The following CTIF variants were observed in gnomAD, a reference collection of about 807,000 sequenced individuals.
The protein encoded by CTIF is cap binding complex dependent translation initiation factor, also known as CBP80/20-dependent translation initiation factor.
CTIF carries 21 observed loss-of-function variants against 66.0 expected under a neutral mutation model. The ratio of observed to expected loss-of-function variants is 0.32; its 90% CI spans 0.23 to 0.46. The LOEUF (loss-of-function observed/expected upper bound fraction) is 0.46, where lower values mean the gene tolerates loss of function less well. CTIF is among the 20% of genes least tolerant of loss of function. The pLI is 1.00. For synonymous variants in CTIF, 345 were observed against 326.4 expected (o/e 1.06, Z -0.62); for missense variants, 739 against 812.7 (o/e 0.91, Z 1.10).
chr18:48,787,215 C>A (rs763631056), intron 9 of CTIF, among the ~76,000 whole-genome samples: 2 of 151,632 alleles, frequency 1.3e-5, no homozygotes, highest in Non-Finnish European at 2.9e-5. Flanking sequence ...AGGGATAGGG[C>A]AAAGGAGGGG....
chr18:48,849,500 C>A (rs2069150918), intron 10 of CTIF, among the ~76,000 whole-genome samples: 2 of 151,450 alleles, frequency 1.3e-5, no homozygotes, highest in Admixed American at 1.3e-4. Flanking sequence ...GCTCAGCCTG[C>A]CATTTTTTTA....
chr18:48,697,754 G>A (rs138936165), intron 6 of CTIF, among the ~76,000 whole-genome samples: 1 of 152,304 alleles, frequency 6.6e-6, no homozygotes, highest in East Asian at 1.9e-4. Context: ...ATTTGCTGAA[G>A]CTTTTCCTCT....
At chr18:48,744,985 G>A (rs1438867477) in intron 7 of CTIF, among the ~76,000 whole-genome samples, 1 of 152,050 alleles carries the variant, frequency 6.6e-6, no homozygotes, top group Non-Finnish European at 1.5e-5. Context: ...ACCACACCCG[G>A]CTAATTTTTT....
At chr18:48,820,566 C>A (rs764631993) in intron 10 of CTIF, among the ~76,000 whole-genome samples, 32 of 152,108 alleles carry the variant, frequency 2.1e-4, no homozygotes, top group Non-Finnish European at 4.3e-4. Flanking sequence ...CAGGACCCTC[C>A]AAAAGGATGT....
intron 9 of CTIF, among the ~76,000 whole-genome samples, chr18:48,781,297 G>A (rs908255294): frequency 1.3e-5 from 2 of 152,204 alleles, no homozygotes; most frequent in Non-Finnish European, 2.9e-5. Context: ...CATTTCCAGG[G>A]AACTCTGGGG....
rs763890273 is a variant in CTIF at position 48,803,591 on chromosome 18, G to A, written c.1372-13630G>A. ...TGCAGGGGGCAGCTGTTATTTCTGC[G>A]TGTGGTCCAGGGATCTGTCACTGAG... On this transcript the variant is annotated intron_variant, in intron 9 of 11. Coordinates refer to ENST00000256413, the MANE Select transcript of CTIF (RefSeq NM_014772.3). Among the ~76,000 whole-genome samples, 5 of 152,192 alleles carry A rather than the reference G, an allele frequency of 3.3e-5. No individual in the cohort carries two copies. The South Asian group carries it at 8.3e-4, about 25-fold the overall frequency.
chr18:48,768,933 C>T (rs1249250857), intron 9 of CTIF, among the ~76,000 whole-genome samples: 3 of 152,204 alleles, frequency 2.0e-5, no homozygotes, highest in Non-Finnish European at 4.4e-5. Context: ...AGGAAGTCAT[C>T]AATTGGGATT....
intron 7 of CTIF, among the ~76,000 whole-genome samples, chr18:48,714,044 G>C (rs921798934): frequency 6.6e-6 from 1 of 152,124 alleles, no homozygotes. Flanking sequence ...ATAGTTTAAG[G>C]ACCTTTTTGT....
intron 7 of CTIF, among the ~76,000 whole-genome samples, chr18:48,745,986 G>A (rs1300458703): frequency 6.6e-6 from 1 of 152,242 alleles, no homozygotes; most frequent in Non-Finnish European, 1.5e-5. Context: ...AGCCCTTCAG[G>A]GACAAGCGAA....
At chr18:48,645,368 T>C (rs1380693480) in intron 3 of CTIF, among the ~76,000 whole-genome samples, 1 of 143,100 alleles carries the variant, frequency 7.0e-6, no homozygotes, top group East Asian at 2.1e-4. Flanking sequence ...AGAAGGAAAA[T>C]GATAGGAAAA....
chr18:48,703,590 G>T (rs1485499883), intron 6 of CTIF, among the ~76,000 whole-genome samples: 1 of 152,258 alleles, frequency 6.6e-6, no homozygotes, highest in Non-Finnish European at 1.5e-5. Context: ...ATTTCTATCA[G>T]ACCTAGGTTC....
chr18:48,671,052 G>C (rs994663895), intron 6 of CTIF, among the ~76,000 whole-genome samples: 1 of 152,174 alleles, frequency 6.6e-6, no homozygotes, highest in South Asian at 2.1e-4. Flanking sequence ...CCCTTGGCCT[G>C]AAACCTCTCT....
At chr18:48,670,488 C>G (rs960238606) in intron 5 of CTIF, 181 bp from the exon 6 acceptor site, 12 of 536,442 alleles carry the variant, frequency 2.2e-5, no homozygotes, top group South Asian at 1.1e-4. Flanking sequence ...CGGGAGGACC[C>G]CCCCCCCACA....
At position 48,664,528 on chromosome 18, in the gene CTIF, C is replaced by T. The variant is rs771277350; in HGVS notation, c.408C>T (p.Pro136=). The T allele has an allele frequency of 6.8e-6, 11 of 1,612,580 alleles. No individual in the cohort carries two copies. Among genetic ancestry groups the T allele is most frequent in the Non-Finnish European group, 8.5e-6 (10 of 1,179,976 alleles). The change falls in exon 5 of 12, where the codon CCC becomes CCT. Residue 136 remains proline, a synonymous_variant. Coordinates refer to ENST00000256413, the MANE Select transcript of CTIF (RefSeq NM_014772.3). ...AAGTCCGACACACGCCCAAGCAGCC[C>T]CTGCCACACATCGACCGCGAAGGGT... is the stretch of plus-strand genomic sequence containing the variant. ...HRKVRHTPKQ[P]LPHIDREGCG... is the part of the protein sequence containing the mutation.
intron 7 of CTIF, among the ~76,000 whole-genome samples, chr18:48,730,331 CCCTGCGGTGTGAGGGGCT>C (rs1416064926): frequency 1.4e-5 from 1 of 72,110 alleles, no homozygotes; most frequent in East Asian, 1.4e-3. Flanking sequence ...TGTGAGGGGC[CCCTGCGGTGTGAGGGGCT>C]CCTGCTGTGT....
At chr18:48,803,924 G>T (rs2068093896) in intron 9 of CTIF, among the ~76,000 whole-genome samples, 1 of 152,216 alleles carries the variant, frequency 6.6e-6, no homozygotes, top group Non-Finnish European at 1.5e-5. Flanking sequence ...ACAAGGGAGA[G>T]AGGGGAGAGA....
At chr18:48,651,440 A>AGCTAACCT (rs1028238127) in intron 3 of CTIF, among the ~76,000 whole-genome samples, 3 of 152,260 alleles carry the variant, frequency 2.0e-5, no homozygotes, top group African/African-American at 4.8e-5. Flanking sequence ...AAGAAGAGCT[A>AGCTAACCT]GCTAACCTAA....
intron 6 of CTIF, among the ~76,000 whole-genome samples, chr18:48,682,161 A>G (rs531865448): frequency 7.2e-5 from 11 of 152,168 alleles, no homozygotes; most frequent in Admixed American, 3.3e-4. Context: ...GACTTTTCCA[A>G]TGCGTTAGTT....
At chr18:48,638,143 A>G (rs1164109162) in intron 3 of CTIF, among the ~76,000 whole-genome samples, 1 of 152,040 alleles carries the variant, frequency 6.6e-6, no homozygotes, top group African/African-American at 2.4e-5. Flanking sequence ...CCTGCTCCTC[A>G]GGGGCACTGT....
Sources: allele counts gnomAD v4.1 joint callset (sites outside exome capture counted in the v4.1 genomes callset), GRCh38; gene constraint gnomAD v4.1.1; transcripts MANE v1.5; gene names NCBI Gene and HGNC (gene_info 2026-07-23, HGNC 2026-07-21).